The following ABCC5 variants were observed in gnomAD, a reference collection of about 807,000 sequenced individuals.
ABCC5 encodes ATP binding cassette subfamily C member 5, also known as ATP-binding cassette sub-family C member 5.
ABCC5 carries 61 observed loss-of-function variants against 160.9 expected under a neutral mutation model. The observed-to-expected ratio is 0.38, with a 90% CI of 0.31 to 0.47. The LOEUF (loss-of-function observed/expected upper bound fraction) is 0.47, where lower values mean the gene tolerates loss of function less well. Ranked by LOEUF, ABCC5 falls within the 20% of genes least tolerant of loss-of-function variation. The probability of loss-of-function intolerance (pLI) is 0.99; values close to 1 mark genes in which losing one functional copy is unlikely to be tolerated. For missense variants in ABCC5, 1,308 were observed against 1,813.3 expected, an observed-to-expected ratio of 0.72 and a Z score of 5.06; for synonymous variants, 666 against 700.6, an observed-to-expected ratio of 0.95 and a Z score of 0.78.
chr3:183,994,931 CATTG>C, intron 2 of ABCC5, among the ~76,000 whole-genome samples: 1 of 149,160 alleles, frequency 6.7e-6, no homozygotes, highest in Non-Finnish European at 1.5e-5. Flanking sequence ...GATCACGGCT[CATTG>C]CAGCCTTGAA....
chr3:183,937,941 TAGAG>T lies in ABCC5; in HGVS notation c.3810_3813del (p.Ile1272PhefsTer36). 6.2e-7 allele frequency: 1 copy of T among 1,614,192 alleles called. No individual in the cohort carries two copies. The highest frequency in any genetic ancestry group is 8.5e-7 in the Non-Finnish European group (1 of 1,180,034). On this transcript the variant is annotated frameshift_variant, in exon 26 of 30. Transcript: ENST00000334444. LOFTEE classifies it high-confidence loss of function. ...AACAGCACCGGCTCTTGAGGAATGA[TAGAG>T]AGTTTGCTTCGGAGGTCGGCAAGGC... is the stretch of plus-strand genomic sequence containing the variant.
In ABCC5 at chr3:184,000,342, C is replaced by CTAAA. The variant is rs562530266; in HGVS notation, c.130-10963_130-10960dup. Among the ~76,000 whole-genome samples the CTAAA allele has an allele frequency of 6.8e-4, 104 of 151,956 alleles. 2 individuals are homozygous for CTAAA. In the South Asian group the frequency reaches 8.9e-3, roughly 13 times the overall value. ...TGGGTGACAGAGTGAGACCCTGTCT[C>CTAAA]TAAATAAATAAATAAATAAATAAAA... On this transcript the variant is annotated intron_variant, in intron 2 of 29. Coordinates refer to ENST00000334444, the MANE Select transcript of ABCC5 (RefSeq NM_005688.4).
At chr3:183,954,022 CCT>C (rs1464771078) in intron 17 of ABCC5, among the ~76,000 whole-genome samples, 1 of 152,212 alleles carries the variant, frequency 6.6e-6, no homozygotes, top group Non-Finnish European at 1.5e-5. Flanking sequence ...GAGCGAGCAG[CCT>C]CTTTCATGCC....
At chr3:183,940,056 T>A (rs1468966608) in intron 25 of ABCC5, among the ~76,000 whole-genome samples, 1 of 152,060 alleles carries the variant, frequency 6.6e-6, no homozygotes, top group African/African-American at 2.4e-5. Context: ...AAAACACCCA[T>A]AAGACTTGGA....
rs766513969 is a variant in ABCC5 at position 183,988,769 on chromosome 3, C to A, written c.288-42G>T. 6.3e-7 allele frequency: 1 copy of A among 1,597,946 alleles called. No homozygotes were observed. Among genetic ancestry groups the A allele is most frequent in the South Asian group, 1.1e-5 (1 of 88,870 alleles). ...GAAATCACAAAGCTATCAACACGCACGGAGAGGGCAGCCCGTGTTTAATGG... is the reference window on the plus strand; with the variant it reads ...GAAATCACAAAGCTATCAACACGCAAGGAGAGGGCAGCCCGTGTTTAATGG... On this transcript the variant is annotated intron_variant, in intron 3 of 29. Transcript: ENST00000334444. The surrounding 1 kb of genome is among the most constrained non-coding windows in gnomAD (Gnocchi z 4.4).
At chr3:183,950,219 T>A in intron 20 of ABCC5, 94 bp from the exon 21 acceptor site, 1 of 1,389,814 alleles carries the variant, frequency 7.2e-7, no homozygotes. Context: ...AAACTCTCTA[T>A]CTGAAGTTTG....
At chr3:183,970,945 T>C (rs1717682716) in intron 11 of ABCC5, among the ~76,000 whole-genome samples, 1 of 152,164 alleles carries the variant, frequency 6.6e-6, no homozygotes, top group South Asian at 2.1e-4. Flanking sequence ...AATGAATATA[T>C]ACACATCCGG....
intron 2 of ABCC5, among the ~76,000 whole-genome samples, chr3:184,003,445 T>C (rs1463079893): frequency 6.6e-6 from 1 of 152,066 alleles, no homozygotes; most frequent in Admixed American, 6.6e-5. Flanking sequence ...TTCCAAATAG[T>C]AGCCATTTCA....
intron 2 of ABCC5, among the ~76,000 whole-genome samples, chr3:184,012,172 GA>G (rs1438706669): frequency 1.3e-5 from 2 of 151,984 alleles, no homozygotes; most frequent in African/African-American, 4.8e-5. Flanking sequence ...ACTGGATGAA[GA>G]ATATATAGGA....
chr3:183,939,791 G>C (rs765722704), intron 25 of ABCC5, among the ~76,000 whole-genome samples: 3 of 152,182 alleles, frequency 2.0e-5, no homozygotes, highest in Admixed American at 2.0e-4. Context: ...TTTAGATTTA[G>C]AACTACAGGG....
intron 11 of ABCC5, among the ~76,000 whole-genome samples, chr3:183,970,391 T>C (rs1238740288): frequency 6.6e-6 from 1 of 151,864 alleles, no homozygotes; most frequent in East Asian, 1.9e-4. Flanking sequence ...CCTATTCAAG[T>C]TGTAACCACA....
At chr3:183,985,010 T>C in intron 5 of ABCC5, 1 of 874,414 alleles carries the variant, frequency 1.1e-6, no homozygotes. Flanking sequence ...GCAGGGAAGG[T>C]AAAAGACATA....
chr3:183,981,989 G>A (rs1024181216), intron 7 of ABCC5, 115 bp from the exon 8 acceptor site: 57 of 1,168,926 alleles, frequency 4.9e-5, no homozygotes, highest in Non-Finnish European at 6.0e-5. Flanking sequence ...TGCTAGGATG[G>A]GCCAAATGTT....
At chr3:183,967,616 C>G (rs1717345137) in intron 12 of ABCC5, 79 bp downstream of exon 12, 1 of 1,260,650 alleles carries the variant, frequency 7.9e-7, no homozygotes, top group Non-Finnish European at 1.2e-6. Context: ...TCCTGACTCT[C>G]CAGGAAATTT....
chr3:183,952,117 G>GGGACCTGGTCATGGCT (rs1198090781), intron 18 of ABCC5, 114 bp from the exon 19 acceptor site: 18 of 1,019,202 alleles, frequency 1.8e-5, no homozygotes, highest in Non-Finnish European at 2.4e-5. Flanking sequence ...GACCCACCCT[G>GGGACCTGGTCATGGCT]GGACCTGGTC....
Position 183,977,529 on chromosome 3 carries a change from A to C in ABCC5, c.1392T>G (p.Val464=). The change falls in exon 10 of 30, where the codon GTT becomes GTG. Residue 464 remains valine (V), a synonymous_variant. Transcript: ENST00000334444. ...VKSLSEASVA[V]DRFKSLFLME... The stretch of plus-strand genomic sequence containing the variant: ...AGGAGCCACTTACCTTAAATCTGTC[A>C]ACAGCCACTGAGGCTTCTGAGAGGG... 6.2e-7 allele frequency: 1 copy of C among 1,613,506 alleles called. No individual in the cohort carries two copies. The highest frequency in any genetic ancestry group is 1.1e-5 in the South Asian group (1 of 91,060).
At position 183,925,654 on chromosome 3, in the gene ABCC5, G is replaced by A. The variant is rs114121153; in HGVS notation, c.4113C>T (p.Thr1371=). Reference sequence around the variant, plus strand: ...TACAGTCTGCAAATGCTTCTCGGATGGTCTCTTGAATCAATAAGTCTGTCT... The same window carrying A: ...TACAGTCTGCAAATGCTTCTCGGATAGTCTCTTGAATCAATAAGTCTGTCT... ...DTETDLLIQE[T]IREAFADCTM... Residue 1371 remains threonine (T), a synonymous_variant, in exon 29 of 30, where the codon ACC becomes ACT. Coordinates refer to ENST00000334444, the MANE Select transcript of ABCC5 (RefSeq NM_005688.4). 1.3e-4 allele frequency: 211 copies of A among 1,614,048 alleles called. No individual in the cohort carries two copies. In the African/African-American group the frequency reaches 1.5e-3, roughly 11 times the overall value.
At position 183,957,384 on chromosome 3, in the gene ABCC5, G is replaced by T. The variant is rs528550144; in HGVS notation, c.2482+2349C>A. Among the ~76,000 whole-genome samples, 2 of 127,298 alleles carry T rather than the reference G, an allele frequency of 1.6e-5. 1 individual carries two copies. The highest frequency in any genetic ancestry group is 5.9e-5 in the African/African-American group (2 of 33,642). 83.5% of individuals were successfully genotyped at this position (127,298 alleles called of 152,430 possible). A position where few individuals can be genotyped will look rare whatever the true frequency, so the allele number is the denominator to read the frequency against. ...TGCGGGTCCGTGTGTATATCACATC[G>T]GTTACATGCTTATCCGTGTGTATAT... On this transcript the variant is annotated intron_variant, in intron 17 of 29. Transcript: ENST00000334444.
intron 23 of ABCC5, among the ~76,000 whole-genome samples, chr3:183,946,887 A>G (rs1714895638): frequency 6.6e-6 from 1 of 152,156 alleles, no homozygotes; most frequent in African/African-American, 2.4e-5. Flanking sequence ...AGGGGCTAGA[A>G]GGTTTTATGT....
Sources: allele counts gnomAD v4.1 joint callset (sites outside exome capture counted in the v4.1 genomes callset), GRCh38; gene constraint gnomAD v4.1.1; non-coding constraint Gnocchi (gnomAD v3.1); transcripts MANE v1.5; gene names NCBI Gene and HGNC (gene_info 2026-07-23, HGNC 2026-07-21).